Variants in LARP1B observed in about 807,000 individuals in gnomAD.
The protein encoded by LARP1B is la-related protein 1B.
LARP1B carries 76 observed loss-of-function variants against 114.2 expected under a neutral mutation model. The ratio of observed to expected loss-of-function variants is 0.67; its 90% CI spans 0.55 to 0.81. The LOEUF (loss-of-function observed/expected upper bound fraction) is 0.81, where lower values mean the gene tolerates loss of function less well. Ranked by LOEUF, LARP1B falls within the 30% of genes least tolerant of loss-of-function variation. The pLI, the probability that LARP1B is intolerant of heterozygous loss-of-function variation, is 0.00. For missense variants in LARP1B, 1,014 were observed against 1,075.8 expected, an observed-to-expected ratio of 0.94 and a Z score of 0.80; for synonymous variants, 345 against 348.0, an observed-to-expected ratio of 0.99 and a Z score of 0.10.
In LARP1B at chr4:128,178,648, C is replaced by G. The variant is rs1161626239; in HGVS notation, c.1896+6C>G. On this transcript the variant is annotated splice_donor_region_variant and intron_variant, in intron 14 of 19. Coordinates refer to ENST00000326639, the MANE Select transcript of LARP1B (RefSeq NM_018078.4). ...CAAAAGCCATTGATGTAAAGGTATA[C>G]AAAACAACCAGGAATATAAGGCTTG... 6.3e-7 allele frequency: 1 copy of G among 1,598,918 alleles called. No homozygotes were observed. The highest frequency in any genetic ancestry group is 2.2e-5 in the East Asian group (1 of 44,756).
intron 11 of LARP1B, among the ~76,000 whole-genome samples, chr4:128,138,631 A>T (rs1231103131): frequency 2.0e-5 from 3 of 152,126 alleles, no homozygotes; most frequent in African/African-American, 7.2e-5. Flanking sequence ...ATTCATGAGA[A>T]CGTGAATGAG....
intron 11 of LARP1B, among the ~76,000 whole-genome samples, chr4:128,150,617 ACTT>A (rs1181916807): frequency 1.3e-5 from 2 of 151,678 alleles, no homozygotes; most frequent in South Asian, 2.1e-4. Flanking sequence ...TCCCCCACTG[ACTT>A]CTTATTTTAA....
chr4:128,185,067 C>T (rs1301508511), intron 15 of LARP1B, among the ~76,000 whole-genome samples: 1 of 137,020 alleles, frequency 7.3e-6, no homozygotes, highest in Non-Finnish European at 1.7e-5. Flanking sequence ...AAATTTTCTT[C>T]ATTCATCCAT....
At chr4:128,140,982 A>T (rs183984788) in intron 11 of LARP1B, among the ~76,000 whole-genome samples, 46 of 151,912 alleles carry the variant, frequency 3.0e-4, no homozygotes, top group African/African-American at 9.7e-4. Flanking sequence ...TGCCTGGCTA[A>T]TTTTTGTATT....
intron 1 of LARP1B, among the ~76,000 whole-genome samples, chr4:128,062,592 C>CTTTTTTTTTTTTTTTTTTT (rs10659836): frequency 1.6e-5 from 2 of 128,278 alleles, no homozygotes; most frequent in African/African-American, 5.8e-5. Context: ...TTTTGGTAGA[C>CTTTTTTTTTTTTTTTTTTT]TTTTTTTTTT....
chr4:128,123,359 T>G (rs1788596362), intron 11 of LARP1B: 1 of 984,490 alleles, frequency 1.0e-6, no homozygotes, highest in Non-Finnish European at 1.2e-6. Context: ...ATTGCTATTT[T>G]ATTTGTAATA....
At position 128,121,995 on chromosome 4, in the gene LARP1B, A is replaced by G; in HGVS notation, c.1331A>G (p.Asp444Gly). 6.2e-7 allele frequency: 1 copy of G among 1,613,370 alleles called. No homozygotes were observed. Among genetic ancestry groups the G allele is most frequent in the Non-Finnish European group, 8.5e-7 (1 of 1,179,958 alleles). ...TCAGATTATGAAATTGATGACCAAG[A>G]CTTAAACAAGATTTTGATTGTAACT... ...NDSDYEIDDQ[D>G]LNKILIVTQT... is the part of the protein sequence containing the mutation. The change falls in exon 11 of 20, where the codon GAC (aspartate) becomes GGC (glycine). Residue 444 changes from aspartate to glycine, a missense_variant. Coordinates refer to ENST00000326639, the MANE Select transcript of LARP1B (RefSeq NM_018078.4).
intron 11 of LARP1B, among the ~76,000 whole-genome samples, chr4:128,139,976 A>G (rs1034874811): frequency 6.6e-6 from 1 of 152,196 alleles, no homozygotes; most frequent in African/African-American, 2.4e-5. Flanking sequence ...CATTAACCAC[A>G]TGTAGTTATT....
At chr4:128,114,175 T>A (rs985515482) in intron 9 of LARP1B, among the ~76,000 whole-genome samples, 6 of 152,224 alleles carry the variant, frequency 3.9e-5, no homozygotes, top group Non-Finnish European at 7.3e-5. Flanking sequence ...TTGAATAAGA[T>A]GTGCATTTAG....
chr4:128,132,200 AGAGT>A (rs1791772188), intron 11 of LARP1B, among the ~76,000 whole-genome samples: 1 of 152,184 alleles, frequency 6.6e-6, no homozygotes, highest in African/African-American at 2.4e-5. Flanking sequence ...TCCATACAAT[AGAGT>A]ATTTGGCAAT....
At chr4:128,139,967 A>AT (rs1317671780) in intron 11 of LARP1B, among the ~76,000 whole-genome samples, 1 of 152,224 alleles carries the variant, frequency 6.6e-6, no homozygotes, top group African/African-American at 2.4e-5. Flanking sequence ...TTTAGTAGAC[A>AT]TTAACCACAT....
At chr4:128,061,617 G>A in intron 1 of LARP1B, 8 of 930,760 alleles carry the variant, frequency 8.6e-6, no homozygotes, top group Non-Finnish European at 1.0e-5. Context: ...GCCGGCCGGT[G>A]TCCCGGCGGA....
intron 11 of LARP1B, among the ~76,000 whole-genome samples, chr4:128,132,055 G>T (rs1046150170): frequency 2.0e-5 from 3 of 152,114 alleles, no homozygotes; most frequent in Non-Finnish European, 4.4e-5. Context: ...CCACTTTTAT[G>T]TATGTAATCC....
intron 1 of LARP1B, among the ~76,000 whole-genome samples, chr4:128,067,415 T>A (rs1254880246): frequency 6.6e-6 from 1 of 152,156 alleles, no homozygotes. Context: ...GTTAGAAACA[T>A]AGGAAACACA....
intron 8 of LARP1B, among the ~76,000 whole-genome samples, chr4:128,102,871 C>T (rs1468576095): frequency 6.6e-6 from 1 of 152,132 alleles, no homozygotes; most frequent in Admixed American, 6.6e-5. Context: ...CAGAACTGTG[C>T]CTGCTACTTT....
chr4:128,178,637 G>T lies in LARP1B; in HGVS notation c.1891G>T (p.Val631Leu). The change falls in exon 14 of 20, where the codon GTA becomes TTA. Residue 631 changes from valine to leucine, a missense_variant. Val to Leu is a conservative substitution (Grantham distance 32). Transcript: ENST00000326639. ...TGTTAAAGAACCAAAAGCCATTGATGTAAAGGTATACAAAACAACCAGGAA... is the reference window on the plus strand; with the variant it reads ...TGTTAAAGAACCAAAAGCCATTGATTTAAAGGTATACAAAACAACCAGGAA... ...PVVKEPKAID[V>L]KSPRKRKTRH... 6.2e-7 allele frequency: 1 copy of T among 1,611,420 alleles called. No individual in the cohort carries two copies. Among genetic ancestry groups the T allele is most frequent in the Non-Finnish European group, 8.5e-7 (1 of 1,177,750 alleles).
intron 15 of LARP1B, among the ~76,000 whole-genome samples, chr4:128,192,023 A>G (rs1310808909): frequency 6.6e-6 from 1 of 152,040 alleles, no homozygotes; most frequent in Non-Finnish European, 1.5e-5. Context: ...TCAGCCTCAG[A>G]TTTGAGTTCT....
intron 1 of LARP1B, among the ~76,000 whole-genome samples, chr4:128,067,534 A>T (rs1488304859): frequency 2.0e-5 from 3 of 152,068 alleles, no homozygotes; most frequent in African/African-American, 7.2e-5. Flanking sequence ...ATTTTCTTCC[A>T]CTTTTAGGAT....
In LARP1B at chr4:128,210,076, G is replaced by A; in HGVS notation, c.*23G>A. 6.2e-7 allele frequency: 1 copy of A among 1,613,434 alleles called. No homozygotes were observed. On this transcript the variant is annotated 3_prime_UTR_variant, in exon 20 of 20. Coordinates refer to ENST00000326639, the MANE Select transcript of LARP1B (RefSeq NM_018078.4). ...TAAACAGTGCTGCCTGTGTCCTGTG[G>A]TCTCAAGAAATGGTGAAATGCCTGA...
Sources: gnomAD v4.1 joint callset for allele counts (sites outside exome capture counted in the v4.1 genomes callset) on GRCh38, gnomAD v4.1.1 for gene constraint, MANE v1.5 for transcripts, NCBI Gene and HGNC (gene_info 2026-07-23, HGNC 2026-07-21) for gene names.